The following C12orf42 variants were observed in gnomAD, a reference collection of about 807,000 sequenced individuals.
C12orf42 encodes uncharacterized protein C12orf42.
A neutral mutation model predicts 21.6 loss-of-function variants in C12orf42; 25 were observed. That is an observed-to-expected ratio of 1.16 (90% confidence interval 0.84 to 1.62). The LOEUF (loss-of-function observed/expected upper bound fraction) is 1.62, where lower values mean the gene tolerates loss of function less well. Among genes scored for constraint, C12orf42 ranks in the 40% most tolerant of loss-of-function variants. The pLI is 0.00. For synonymous variants in C12orf42, 174 were observed against 175.0 expected (o/e 0.99, Z 0.05); for missense variants, 483 against 459.3 (o/e 1.05, Z -0.47).
chr12:103,310,522 A>G (rs1430514679), intron 4 of C12orf42, among the ~76,000 whole-genome samples: 1 of 152,232 alleles, frequency 6.6e-6, no homozygotes, highest in Admixed American at 6.5e-5. Flanking sequence ...GATACACAAA[A>G]CACAACTGTT....
chr12:103,455,450 TTCATTAAAAATTTCATTC>T (rs1353281982), intron 2 of C12orf42, among the ~76,000 whole-genome samples: 66 of 152,272 alleles, frequency 4.3e-4, no homozygotes, highest in African/African-American at 1.5e-3. Context: ...CAAAGCAATG[TTCATTAAAAATTTCATTC>T]TCTGATCTCT....
chr12:103,146,614 G>GAAAGAAAGAAAGA, the C12orf42 span, among the ~76,000 whole-genome samples: 2 of 78,418 alleles, frequency 2.6e-5, no homozygotes, highest in Non-Finnish European at 5.6e-5. Flanking sequence ...GAAAGAAAAA[G>GAAAGAAAGAAAGA]AAAAGTAAAC....
intron 3 of C12orf42, among the ~76,000 whole-genome samples, chr12:103,400,502 C>T (rs542635883): frequency 6.6e-6 from 1 of 152,336 alleles, no homozygotes; most frequent in South Asian, 2.1e-4. Context: ...TGCACAGATC[C>T]TTAACGTCCA....
At chr12:103,169,630 T>G in the C12orf42 span, among the ~76,000 whole-genome samples, 1 of 152,192 alleles carries the variant, frequency 6.6e-6, no homozygotes, top group Admixed American at 6.5e-5. Flanking sequence ...ACCTGTAGAT[T>G]ACTCAGAAAA....
intron 10 of C12orf42, among the ~76,000 whole-genome samples, chr12:103,246,516 T>C (rs2034016236): frequency 6.6e-6 from 1 of 152,012 alleles, no homozygotes; most frequent in Non-Finnish European, 1.5e-5. Flanking sequence ...GTGAACAAAC[T>C]TAATTAAACT....
the C12orf42 span, among the ~76,000 whole-genome samples, chr12:103,057,808 C>T: frequency 6.6e-6 from 1 of 152,158 alleles, no homozygotes; most frequent in African/African-American, 2.4e-5. Context: ...CTAATCTACA[C>T]TGTCACCAAC....
At chr12:103,115,088 G>A in the C12orf42 span, among the ~76,000 whole-genome samples, 2 of 152,132 alleles carry the variant, frequency 1.3e-5, no homozygotes, top group African/African-American at 4.8e-5. Flanking sequence ...AGTTCTGGCT[G>A]GTCACACATC....
At chr12:103,484,343 T>G (rs1464935615) in intron 1 of C12orf42, among the ~76,000 whole-genome samples, 1 of 152,244 alleles carries the variant, frequency 6.6e-6, no homozygotes. Context: ...GACTTTTTAA[T>G]GATCGCCATT....
chr12:103,395,760 A>G (rs2047476165), intron 3 of C12orf42, among the ~76,000 whole-genome samples: 1 of 152,006 alleles, frequency 6.6e-6, no homozygotes, highest in African/African-American at 2.4e-5. Context: ...TTTAAATTCA[A>G]TGGGACATCC....
chr12:103,088,710 T>TA, the C12orf42 span, among the ~76,000 whole-genome samples: 2 of 152,208 alleles, frequency 1.3e-5, no homozygotes, highest in Admixed American at 6.5e-5. Flanking sequence ...TCATAAAATG[T>TA]AGCTTCCATT....
At chr12:103,247,399 G>T (rs2034061867) in intron 10 of C12orf42, among the ~76,000 whole-genome samples, 1 of 151,578 alleles carries the variant, frequency 6.6e-6, no homozygotes, top group Admixed American at 6.6e-5. Flanking sequence ...CTAACATTCT[G>T]TGCATTTTAT....
chr12:103,055,631 TA>T, the C12orf42 span, among the ~76,000 whole-genome samples: 1 of 152,136 alleles, frequency 6.6e-6, no homozygotes, highest in African/African-American at 2.4e-5. Flanking sequence ...ATAGATTCTT[TA>T]GGATGACTTT....
intron 4 of C12orf42, among the ~76,000 whole-genome samples, chr12:103,316,694 CTG>C (rs1019197107): frequency 6.6e-6 from 1 of 152,042 alleles, no homozygotes; most frequent in Admixed American, 6.6e-5. Context: ...ATATGTGTAA[CTG>C]TTCACAAGTT....
intron 10 of C12orf42, among the ~76,000 whole-genome samples, chr12:103,254,332 A>AT (rs1412711215): frequency 6.6e-6 from 1 of 152,138 alleles, no homozygotes; most frequent in Non-Finnish European, 1.5e-5. Context: ...GTGAAATATA[A>AT]TTTTTTGAAA....
chr12:103,501,331 G>A, the C12orf42 span, among the ~76,000 whole-genome samples: 1 of 152,188 alleles, frequency 6.6e-6, no homozygotes, highest in Admixed American at 6.5e-5. Context: ...GTTGGGAGAG[G>A]CAAAAGGAGA....
At chr12:103,411,250 C>A (rs1337727692) in intron 2 of C12orf42, among the ~76,000 whole-genome samples, 1 of 152,010 alleles carries the variant, frequency 6.6e-6, no homozygotes, top group Non-Finnish European at 1.5e-5. Flanking sequence ...TCTAATAGAA[C>A]TATATAGCTA....
At chr12:103,068,886 TATAGATAGATAG>T in the C12orf42 span, among the ~76,000 whole-genome samples, 10 of 133,366 alleles carry the variant, frequency 7.5e-5, no homozygotes, top group Non-Finnish European at 1.4e-4. Context: ...TATATATATA[TATAGATAGATAG>T]ATAGATAGAT....
At chr12:103,531,185 A>AT in the C12orf42 span, among the ~76,000 whole-genome samples, 1 of 152,194 alleles carries the variant, frequency 6.6e-6, no homozygotes, top group Non-Finnish European at 1.5e-5. Context: ...AAATTGATAT[A>AT]TATGTATTCC....
At chr12:103,303,140 A>T (rs1185725689) in intron 5 of C12orf42, among the ~76,000 whole-genome samples, 2 of 152,202 alleles carry the variant, frequency 1.3e-5, no homozygotes, top group Non-Finnish European at 2.9e-5. Context: ...CATATCCACT[A>T]ATACTAATAA....
Sources: gnomAD v4.1 joint callset for allele counts (sites outside exome capture counted in the v4.1 genomes callset) on GRCh38, gnomAD v4.1.1 for gene constraint, MANE v1.5 for transcripts, NCBI Gene and HGNC (gene_info 2026-07-23, HGNC 2026-07-21) for gene names.